CYP39A1: variants seen among roughly 807,000 people sequenced by gnomAD.
CYP39A1 encodes the protein cytochrome P450 family 39 subfamily A member 1.
A neutral mutation model predicts 58.1 loss-of-function variants in CYP39A1; 49 were observed. The ratio of observed to expected loss-of-function variants is 0.84; its 90% confidence interval spans 0.67 to 1.07. CYP39A1 has a LOEUF of 1.07. CYP39A1 is among the 50% of genes least tolerant of loss of function. The pLI is 0.00. For synonymous variants in CYP39A1, 209 were observed against 187.6 expected (o/e 1.11, Z -0.93); for missense variants, 531 against 539.4 (o/e 0.98, Z 0.16).
chr6:46,607,271 G>T (rs1310250697), intron 7 of CYP39A1, among the ~76,000 whole-genome samples: 1 of 151,874 alleles, frequency 6.6e-6, no homozygotes, highest in Admixed American at 6.6e-5. Context: ...CTCACTTAGG[G>T]CTGAAATTTC....
chr6:46,647,814 T>A (rs2088828453), intron 1 of CYP39A1, among the ~76,000 whole-genome samples: 1 of 152,216 alleles, frequency 6.6e-6, no homozygotes, highest in Admixed American at 6.5e-5. Context: ...TGCCCACTTT[T>A]TGATGGGGTT....
chr6:46,627,821 A>C (rs1394166039), intron 6 of CYP39A1, among the ~76,000 whole-genome samples: 1 of 152,224 alleles, frequency 6.6e-6, no homozygotes, highest in Non-Finnish European at 1.5e-5. Context: ...TAGTTAATAA[A>C]AGTTTATATG....
chr6:46,558,558 T>C (rs1582287543), intron 10 of CYP39A1, among the ~76,000 whole-genome samples: 1 of 152,192 alleles, frequency 6.6e-6, no homozygotes, highest in African/African-American at 2.4e-5. Flanking sequence ...AACATGAGAT[T>C]TGGGTGGGGA....
chr6:46,582,203 C>T (rs1470720189), intron 10 of CYP39A1, among the ~76,000 whole-genome samples: 3 of 152,062 alleles, frequency 2.0e-5, no homozygotes, highest in Non-Finnish European at 4.4e-5. Context: ...GAACAAATTC[C>T]TCAGAATAAA....
chr6:46,650,572 T>C lies in CYP39A1; in HGVS notation c.177+1834A>G, dbSNP rs1476368778. ...AGGCTCGAGTGCAGTGGCTCAATCA[T>C]AGCTTACCGGAATCTGGAACTCCTG... is the stretch of plus-strand genomic sequence containing the variant. On this transcript the variant is annotated intron_variant, in intron 1 of 11. Transcript: ENST00000275016. 6.5e-5 allele frequency among the ~76,000 whole-genome samples: 9 copies of C among 138,458 alleles called. No individual in the cohort carries two copies. The East Asian group carries it at 7.0e-4, about 11-fold the overall frequency. 90.8% of individuals were successfully genotyped at this position (138,458 alleles called of 152,430 possible).
chr6:46,599,568 G>A (rs1773367452), intron 7 of CYP39A1, among the ~76,000 whole-genome samples: 1 of 152,070 alleles, frequency 6.6e-6, no homozygotes, highest in Admixed American at 6.6e-5. Flanking sequence ...CATACCAGAT[G>A]AATCCAGAGA....
intron 10 of CYP39A1, among the ~76,000 whole-genome samples, chr6:46,562,867 T>C (rs564277049): frequency 1.3e-5 from 2 of 152,182 alleles, no homozygotes; most frequent in East Asian, 1.9e-4. Context: ...TAAAGATAAA[T>C]ACTCAGGCTT....
intron 8 of CYP39A1, among the ~76,000 whole-genome samples, chr6:46,591,055 A>T (rs935904842): frequency 6.6e-6 from 1 of 152,204 alleles, no homozygotes; most frequent in Non-Finnish European, 1.5e-5. Context: ...TTAAGGCTAT[A>T]AATGCATGTT....
chr6:46,596,446 T>C (rs1773167909), intron 7 of CYP39A1, among the ~76,000 whole-genome samples: 1 of 152,114 alleles, frequency 6.6e-6, no homozygotes, highest in South Asian at 2.1e-4. Context: ...ATCTTTTTCT[T>C]GTCTAAATTC....
chr6:46,625,513 A>G lies in CYP39A1; in HGVS notation c.841-5T>C. 1 of 1,602,320 alleles carries G rather than the reference A, an allele frequency of 6.2e-7. No homozygotes were observed. The highest frequency in any genetic ancestry group is 1.1e-5 in the South Asian group (1 of 89,266). On this transcript the variant is annotated splice_region_variant and splice_polypyrimidine_tract_variant and intron_variant, in intron 6 of 11. Transcript: ENST00000275016. ...TGCAAGTGTCCAAAATGCAACCTTA[A>G]AAAGAAAAACATATATCAAAAATAT...
chr6:46,587,113 A>G lies in CYP39A1; in HGVS notation c.1214T>C (p.Met405Thr). The G allele has an allele frequency of 1.9e-6, 3 of 1,612,268 alleles. No individual in the cohort carries two copies. The highest frequency in any genetic ancestry group is 2.5e-6 in the Non-Finnish European group (3 of 1,179,176). ...LEKHSFLDCF[M>T]AFGSGKFQCP... ...CTGGAACTTCCCGCTTCCAAATGCC[A>G]TGAAGCAGTCCAAGAAAGAGTGCTT... Residue 405 changes from methionine to threonine, a missense_variant, in exon 10 of 12, where the codon ATG (methionine) becomes ACG (threonine). By Grantham distance (81) the Met-to-Thr change is moderately conservative. Coordinates refer to ENST00000275016, the MANE Select transcript of CYP39A1 (RefSeq NM_016593.5).
intron 7 of CYP39A1, among the ~76,000 whole-genome samples, chr6:46,620,995 AT>A (rs1223408344): frequency 6.6e-6 from 1 of 152,200 alleles, no homozygotes; most frequent in African/African-American, 2.4e-5. Flanking sequence ...GTTACATTCT[AT>A]TATTTAAAAT....
chr6:46,555,191 C>T lies in CYP39A1; in HGVS notation c.1251-1337G>A, dbSNP rs147518272. On this transcript the variant is annotated intron_variant, in intron 10 of 11. Coordinates refer to ENST00000275016, the MANE Select transcript of CYP39A1 (RefSeq NM_016593.5). ...CCTTGACACCATGTGGCTCTAGCCA[C>T]GTTATATTACTTGACATTCTCTGAA... Among the ~76,000 whole-genome samples, 232 of 152,256 alleles carry T rather than the reference C, an allele frequency of 1.5e-3. 3 individuals carry two copies. The highest frequency in any genetic ancestry group is 0.014 in the Admixed American group (209 of 15,292).
chr6:46,588,038 T>G lies in CYP39A1; in HGVS notation c.1157A>C (p.Lys386Thr). 1 of 1,558,448 alleles carries G rather than the reference T, an allele frequency of 6.4e-7. No homozygotes were observed. Among genetic ancestry groups the G allele is most frequent in the East Asian group, 2.3e-5 (1 of 42,862 alleles). ...PKYFPEPELF[K>T]PERWKKANLE... is the part of the protein sequence containing the mutation. The stretch of plus-strand genomic sequence containing the variant: ...ATACTGAAAGAGATAACTTACAGGT[T>G]TGAACAATTCAGGCTCAGGAAAATA... Residue 386 changes from lysine to threonine, a missense_variant, in exon 9 of 12, where the codon AAA (lysine) becomes ACA (threonine). By Grantham distance (78) the Lys-to-Thr change is moderately conservative. Transcript: ENST00000275016.
chr6:46,569,925 G>C (rs138162398), intron 10 of CYP39A1, among the ~76,000 whole-genome samples: 252 of 152,158 alleles, frequency 1.7e-3, no homozygotes, highest in African/African-American at 5.8e-3. Context: ...TTTTCTAAGA[G>C]TTGGAAAAGA....
At chr6:46,580,670 T>G (rs1040140538) in intron 10 of CYP39A1, among the ~76,000 whole-genome samples, 1 of 151,508 alleles carries the variant, frequency 6.6e-6, no homozygotes, top group African/African-American at 2.4e-5. Flanking sequence ...ACAACCCCAT[T>G]TAAAAAAAAT....
At chr6:46,559,382 G>T (rs1335604728) in intron 10 of CYP39A1, among the ~76,000 whole-genome samples, 2 of 152,126 alleles carry the variant, frequency 1.3e-5, no homozygotes, top group African/African-American at 4.8e-5. Context: ...GGCATATAAG[G>T]TTAGGAAAAA....
chr6:46,608,828 G>A (rs1257605710), intron 7 of CYP39A1, among the ~76,000 whole-genome samples: 5 of 151,764 alleles, frequency 3.3e-5, no homozygotes, highest in Non-Finnish European at 7.4e-5. Flanking sequence ...TGGCCAGGCT[G>A]GTCTCGAACT....
rs530499103 is a variant in CYP39A1, at chr6:46,553,093, A to C, written c.1338+674T>G. 9.1e-4 allele frequency among the ~76,000 whole-genome samples: 137 copies of C among 150,930 alleles called. 1 individual carries two copies. In the East Asian group the frequency reaches 0.025, roughly 27 times the overall value. ...CCAACCAAAAAAAAAAAAAAAAAAAAAGGAAAGAAATGCAATTCTGTAGCC... is the reference window on the plus strand; with the variant it reads ...CCAACCAAAAAAAAAAAAAAAAAAACAGGAAAGAAATGCAATTCTGTAGCC... On this transcript the variant is annotated intron_variant, in intron 11 of 11. Coordinates refer to ENST00000275016, the MANE Select transcript of CYP39A1 (RefSeq NM_016593.5).
Sources: allele counts gnomAD v4.1 joint callset (sites outside exome capture counted in the v4.1 genomes callset), GRCh38; gene constraint gnomAD v4.1.1; transcripts MANE v1.5; gene names NCBI Gene and HGNC (gene_info 2026-07-23, HGNC 2026-07-21).